Variants in SSBP1 observed in about 807,000 individuals in gnomAD.
SSBP1 encodes the protein single-stranded DNA-binding protein, mitochondrial.
In SSBP1, 20 loss-of-function variants were observed where a neutral mutation model predicts 27.0. That is an observed-to-expected ratio of 0.74 (90% CI 0.52 to 1.08). SSBP1 has a LOEUF of 1.08. Ranked by LOEUF, SSBP1 falls within the 50% of genes least tolerant of loss-of-function variation. The pLI is 0.00. For missense variants in SSBP1, 137 were observed against 182.4 expected, an observed-to-expected ratio of 0.75 and a Z score of 1.44; for synonymous variants, 59 against 59.3, an observed-to-expected ratio of 1.00 and a Z score of 0.02.
rs188468692 is a variant in SSBP1 at position 141,740,744 on chromosome 7, A to T, written c.25-1425A>T. On this transcript the variant is annotated intron_variant, in intron 2 of 6. Transcript: ENST00000265304. ...AACCAAATTTATTAGACCTTTTTTG[A>T]TGCACTAAAAACAGGAAATTTCCTA... 33 of 152,244 alleles carry T rather than the reference A, an allele frequency of 2.2e-4. No individual in the cohort carries two copies. The East Asian group carries it at 6.4e-3, about 29-fold the overall frequency. The allele number at this position is 152,244 out of a possible 1,614,324, so 9.4% of individuals were successfully genotyped here.
In SSBP1 at chr7:141,739,081, A is replaced by G. The variant is rs1799404608; in HGVS notation, c.-43-43A>G. The G allele has an allele frequency of 2.1e-5, 26 of 1,226,234 alleles. 1 individual carries two copies. In the South Asian group the frequency reaches 2.5e-4, roughly 12 times the overall value. 76.0% of individuals were successfully genotyped at this position (1,226,234 alleles called of 1,614,324 possible). On this transcript the variant is annotated intron_variant, in intron 1 of 6. Transcript: ENST00000265304. ...AGGACTGGTGAGTTGTACTTTTGCCATAAGAGGTAATGTTTTTTTCTTATT... is the reference window on the plus strand; with the variant it reads ...AGGACTGGTGAGTTGTACTTTTGCCGTAAGAGGTAATGTTTTTTTCTTATT...
chr7:141,743,638 AC>A lies in SSBP1; in HGVS notation c.164del (p.Thr55LysfsTer5). 1 of 1,614,164 alleles carries A rather than the reference AC, an allele frequency of 6.2e-7. No homozygotes were observed. Among genetic ancestry groups the A allele is most frequent in the South Asian group, 1.1e-5 (1 of 91,082 alleles). ...ACAGGTGGAAGGAAAAAATCCAGTC[AC>A]AATATTTTCTCTAGCAACTAATGAG... The part of the protein sequence containing the change: ...LRQVEGKNPV[T>X]IFSLATNEMW... On this transcript the variant is annotated frameshift_variant, in exon 4 of 7. Transcript: ENST00000265304. LOFTEE classifies it high-confidence loss of function.
At chr7:141,745,982 T>C (rs1799772428) in intron 6 of SSBP1, 1 of 995,678 alleles carries the variant, frequency 1.0e-6, no homozygotes, top group African/African-American at 1.7e-5. Context: ...ACCTCTTTGG[T>C]ACTTAGTATG....
intron 3 of SSBP1, 76 bp downstream of exon 3, chr7:141,742,305 T>A (rs1488767435): frequency 1.7e-6 from 2 of 1,143,346 alleles, no homozygotes; most frequent in African/African-American, 3.0e-5. Flanking sequence ...AGAAGAGGTA[T>A]GCTGCTTGGG....
chr7:141,748,383 G>A (rs1332745282), intron 6 of SSBP1, among the ~76,000 whole-genome samples: 3 of 151,976 alleles, frequency 2.0e-5, no homozygotes, highest in Non-Finnish European at 4.4e-5. Flanking sequence ...AAGTCTCTTA[G>A]ATTTGCCTTT....
chr7:141,743,436 A>G, intron 3 of SSBP1, 125 bp from the exon 4 acceptor site: 3 of 1,125,960 alleles, frequency 2.7e-6, no homozygotes, highest in Non-Finnish European at 3.8e-6. Context: ...TTACCTTTTA[A>G]GGATCCCACT....
chr7:141,743,099 C>T (rs531400896), intron 3 of SSBP1, among the ~76,000 whole-genome samples: 13 of 152,278 alleles, frequency 8.5e-5, no homozygotes, highest in Admixed American at 7.2e-4. Flanking sequence ...GTGATCCGCC[C>T]GCCTTGGCCT....
intron 2 of SSBP1, 73 bp from the exon 3 acceptor site, chr7:141,742,096 G>C: frequency 2.7e-6 from 3 of 1,118,106 alleles, no homozygotes; most frequent in African/African-American, 1.5e-5. Context: ...GTGAATGAAC[G>C]TGAGTAATTC....
intron 6 of SSBP1, chr7:141,745,788 TA>T: frequency 7.6e-7 from 1 of 1,311,748 alleles, no homozygotes; most frequent in Non-Finnish European, 9.7e-7. Flanking sequence ...TTTTTATACT[TA>T]CAGTTTTAGT....
chr7:141,747,995 CAAAAAA>C (rs926171907), intron 6 of SSBP1, among the ~76,000 whole-genome samples: 1,175 of 56,010 alleles, frequency 0.021, 21 homozygotes, highest in African/African-American at 0.071. Context: ...AAGACTCTCT[CAAAAAA>C]AAAAAAAAAA....
At chr7:141,748,961 A>C (rs1331168197) in intron 6 of SSBP1, among the ~76,000 whole-genome samples, 12 of 152,232 alleles carry the variant, frequency 7.9e-5, no homozygotes, top group African/African-American at 2.9e-4. Context: ...TCATGAACAA[A>C]TATTCAGTCC....
At chr7:141,747,847 A>G (rs985723786) in intron 6 of SSBP1, among the ~76,000 whole-genome samples, 1 of 151,190 alleles carries the variant, frequency 6.6e-6, no homozygotes, top group South Asian at 2.1e-4. Context: ...AAAATGCAAA[A>G]AGTAGCCGGG....
chr7:141,747,854 C>T (rs181213045), intron 6 of SSBP1, among the ~76,000 whole-genome samples: 5 of 150,870 alleles, frequency 3.3e-5, no homozygotes, highest in South Asian at 2.1e-4. Flanking sequence ...AAAAAGTAGC[C>T]GGGTCTAGTA....
chr7:141,738,925 G>T, intron 1 of SSBP1, 199 bp from the exon 2 acceptor site: 1 of 414,422 alleles, frequency 2.4e-6, no homozygotes, highest in Non-Finnish European at 4.3e-6. Flanking sequence ...AGTTATTTGG[G>T]ACCAAAAAGA....
Position 141,745,604 on chromosome 7 carries a change from A to G in SSBP1, c.403+20A>G. On this transcript the variant is annotated intron_variant, in intron 6 of 6. Transcript: ENST00000265304. ...TAGCTGGTAAGAAGCTTGTGAAAAT[A>G]GCTGTTTTTTTCTTTTTCTCCTTTT... 1 of 1,612,600 alleles carries G rather than the reference A, an allele frequency of 6.2e-7. No homozygotes were observed. The highest frequency in any genetic ancestry group is 8.5e-7 in the Non-Finnish European group (1 of 1,179,404).
chr7:141,749,273 G>C (rs1445707693), intron 6 of SSBP1, among the ~76,000 whole-genome samples: 2 of 152,170 alleles, frequency 1.3e-5, no homozygotes, highest in Non-Finnish European at 2.9e-5. Context: ...TTTTATATCA[G>C]GGACTTGAGC....
At chr7:141,739,266 A>C in intron 2 of SSBP1, 76 bp downstream of exon 2, 1 of 1,288,846 alleles carries the variant, frequency 7.8e-7, no homozygotes, top group African/African-American at 1.5e-5. Context: ...TTAGGCTTTT[A>C]ACTACAGGGG....
chr7:141,746,117 T>C (rs940700389), intron 6 of SSBP1: 1 of 295,960 alleles, frequency 3.4e-6, no homozygotes, highest in Non-Finnish European at 5.0e-6. Context: ...GTCTCCTGGA[T>C]TCAAGTGATT....
chr7:141,738,354 C>G (rs1458446163), upstream of SSBP1: 1 of 152,268 alleles, frequency 6.6e-6, no homozygotes, highest in African/African-American at 2.4e-5. Context: ...GCTTTGCGTT[C>G]CCTGTGCGCC....
Sources: gnomAD v4.1 joint callset for allele counts (sites outside exome capture counted in the v4.1 genomes callset) on GRCh38, gnomAD v4.1.1 for gene constraint, MANE v1.5 for transcripts, NCBI Gene and HGNC (gene_info 2026-07-23, HGNC 2026-07-21) for gene names.